The following USH2A variants were observed in gnomAD, a reference collection of about 807,000 sequenced individuals.
USH2A encodes usherin.
Under a neutral mutation model 538.9 loss-of-function variants are expected in USH2A, and 443 were observed. That is an observed-to-expected ratio of 0.82 (90% CI 0.76 to 0.89). The LOEUF (loss-of-function observed/expected upper bound fraction) is 0.89. Ranked by LOEUF, USH2A falls within the 40% of genes least tolerant of loss-of-function variation. The pLI is 0.00. For missense variants in USH2A, 6,633 were observed against 6,324.8 expected, an observed-to-expected ratio of 1.05 and a Z score of -1.65; for synonymous variants, 2,413 against 2,273.5, an observed-to-expected ratio of 1.06 and a Z score of -1.75.
chr1:216,067,200 G>A (rs908382434), intron 30 of USH2A, among the ~76,000 whole-genome samples: 4 of 152,112 alleles, frequency 2.6e-5, no homozygotes, highest in Admixed American at 6.6e-5. Flanking sequence ...TCATAAGTGG[G>A]AATTGAACAA....
At chr1:215,969,625 G>T (rs1484359379) in intron 36 of USH2A, among the ~76,000 whole-genome samples, 1 of 151,838 alleles carries the variant, frequency 6.6e-6, no homozygotes, top group Non-Finnish European at 1.5e-5. Context: ...CCATCAGAGG[G>T]GTCTGGGCTA....
chr1:216,298,311 A>G (rs1413481821), intron 9 of USH2A, among the ~76,000 whole-genome samples: 1 of 152,244 alleles, frequency 6.6e-6, no homozygotes, highest in African/African-American at 2.4e-5. Flanking sequence ...CAAATCCAGC[A>G]AAAGCATTCC....
chr1:215,691,730 C>G (rs1015836734), intron 61 of USH2A, among the ~76,000 whole-genome samples: 10 of 152,208 alleles, frequency 6.6e-5, no homozygotes, highest in African/African-American at 2.4e-4. Context: ...ACTTCATTCT[C>G]TCTAAACCCC....
At chr1:216,080,361 G>A (rs1212075031) in intron 26 of USH2A, among the ~76,000 whole-genome samples, 1 of 151,806 alleles carries the variant, frequency 6.6e-6, no homozygotes, top group African/African-American at 2.4e-5. Flanking sequence ...AAAATCAGTA[G>A]GGAAGAATAA....
intron 8 of USH2A, among the ~76,000 whole-genome samples, chr1:216,323,217 C>T (rs2037651268): frequency 1.4e-5 from 2 of 147,960 alleles, no homozygotes; most frequent in African/African-American, 4.9e-5. Flanking sequence ...AAAGCAACAG[C>T]TTTTGAAAAT....
At chr1:215,778,033 G>A (rs1005148132) in intron 55 of USH2A, among the ~76,000 whole-genome samples, 5 of 150,832 alleles carry the variant, frequency 3.3e-5, no homozygotes, top group African/African-American at 1.2e-4. Context: ...TCAAATATGA[G>A]GGCTTCTCCC....
At chr1:215,880,459 T>C (rs999670060) in intron 41 of USH2A, among the ~76,000 whole-genome samples, 3 of 152,184 alleles carry the variant, frequency 2.0e-5, no homozygotes, top group African/African-American at 7.2e-5. Context: ...AAAAACTTTT[T>C]GGAGAGTTCT....
intron 12 of USH2A, 48 bp from the exon 13 acceptor site, chr1:216,247,274 T>C: frequency 6.2e-7 from 1 of 1,606,628 alleles, no homozygotes; most frequent in Non-Finnish European, 8.5e-7. Flanking sequence ...AATGATTTCA[T>C]TCAAGATAGA....
At chr1:215,929,297 G>A (rs1489164608) in intron 38 of USH2A, among the ~76,000 whole-genome samples, 1 of 152,084 alleles carries the variant, frequency 6.6e-6, no homozygotes, top group Non-Finnish European at 1.5e-5. Flanking sequence ...ACCAATGAGA[G>A]CTTGATGTAA....
At chr1:215,859,184 G>A (rs1284680293) in intron 44 of USH2A, among the ~76,000 whole-genome samples, 1 of 152,138 alleles carries the variant, frequency 6.6e-6, no homozygotes, top group Non-Finnish European at 1.5e-5. Context: ...TAACACAGGT[G>A]TGAACTGCTT....
rs144408472 is a variant in USH2A, at chr1:215,947,189, A to G, written c.7121-12394T>C. Reference sequence around the variant, plus strand: ...CCTGAGTAGCTGAGAGACTACAGGCATGCACCACCACTCCTGGCTAATTTT... The same window carrying G: ...CCTGAGTAGCTGAGAGACTACAGGCGTGCACCACCACTCCTGGCTAATTTT... On this transcript the variant is annotated intron_variant, in intron 37 of 71. Coordinates refer to ENST00000307340, the MANE Select transcript of USH2A (RefSeq NM_206933.4). Among the ~76,000 whole-genome samples, 98 of 152,028 alleles carry G rather than the reference A, an allele frequency of 6.4e-4. 1 individual carries two copies. The East Asian group carries it at 0.019, about 29-fold the overall frequency.
chr1:216,364,966 T>C lies in USH2A; in HGVS notation c.771A>G (p.Gly257=). Reference sequence around the variant, plus strand: ...TCAGAAACTTACCATTTAAACTCTGTCCTATTTGCACAGTACCAGATGCAA... The same window carrying C: ...TCAGAAACTTACCATTTAAACTCTGCCCTATTTGCACAGTACCAGATGCAA... The part of the protein sequence containing the change: ...TDFASGTVQI[G]QSLNGLEQFV... The change falls in exon 4 of 72, where the codon GGA becomes GGG. Residue 257 remains glycine, a synonymous_variant. Transcript: ENST00000307340. 1.2e-6 allele frequency: 2 copies of C among 1,613,532 alleles called. No individual in the cohort carries two copies. The highest frequency in any genetic ancestry group is 1.3e-5 in the African/African-American group (1 of 75,012).
intron 38 of USH2A, among the ~76,000 whole-genome samples, chr1:215,907,543 GC>G (rs970786107): frequency 6.4e-4 from 97 of 152,022 alleles, no homozygotes; most frequent in African/African-American, 2.3e-3. Context: ...TTGGGCCACA[GC>G]CCAACACAGG....
At chr1:216,164,320 G>A (rs2034125091) in intron 21 of USH2A, among the ~76,000 whole-genome samples, 1 of 152,014 alleles carries the variant, frequency 6.6e-6, no homozygotes, top group South Asian at 2.1e-4. Flanking sequence ...TTTTTTAAAA[G>A]GAAAAAATGG....
intron 64 of USH2A, among the ~76,000 whole-genome samples, 164 bp downstream of exon 64, chr1:215,670,808 T>C (rs534324976): frequency 6.6e-6 from 1 of 152,286 alleles, no homozygotes; most frequent in Admixed American, 6.5e-5. Context: ...GCAATGAACA[T>C]GGTTTTTCCT....
intron 38 of USH2A, among the ~76,000 whole-genome samples, chr1:215,917,641 T>C (rs575221077): frequency 2.6e-5 from 4 of 151,622 alleles, no homozygotes; most frequent in Non-Finnish European, 5.9e-5. Context: ...ACAAGAAAAA[T>C]AGCAAAATAA....
At chr1:216,298,556 T>C (rs1432096580) in intron 9 of USH2A, among the ~76,000 whole-genome samples, 1 of 152,192 alleles carries the variant, frequency 6.6e-6, no homozygotes, top group East Asian at 1.9e-4. Context: ...CCTGCCAAAC[T>C]ACTTGTTATT....
At chr1:216,007,574 G>A (rs970907222) in intron 32 of USH2A, among the ~76,000 whole-genome samples, 2 of 152,168 alleles carry the variant, frequency 1.3e-5, no homozygotes, top group South Asian at 2.1e-4. Flanking sequence ...TCCCAGGTCG[G>A]GGGCAAGACC....
Position 215,781,916 on chromosome 1 carries a change from C to T in USH2A, c.10740+126G>A, listed in dbSNP as rs529055701. On this transcript the variant is annotated intron_variant, in intron 54 of 71. Transcript: ENST00000307340. ...ACTCAGTTAACGTGACACATGAACA[C>T]GCTACTTAACACCACTTTGAGGAGG... 2.5e-4 allele frequency: 316 copies of T among 1,275,204 alleles called. 1 individual carries two copies. Among genetic ancestry groups the T allele is most frequent in the Non-Finnish European group, 3.3e-4 (291 of 887,206 alleles). 79.0% of individuals were successfully genotyped at this position (1,275,204 alleles called of 1,614,324 possible).
Sources: gnomAD v4.1 joint callset for allele counts (sites outside exome capture counted in the v4.1 genomes callset) on GRCh38, gnomAD v4.1.1 for gene constraint, MANE v1.5 for transcripts, NCBI Gene and HGNC (gene_info 2026-07-23, HGNC 2026-07-21) for gene names.